Variants in SHC2 observed in about 807,000 individuals in gnomAD.
SHC2 encodes the protein SHC adaptor protein 2, also known as SHC-transforming protein 2.
SHC2 carries 62 observed loss-of-function variants against 60.6 expected under a neutral mutation model. That is an observed-to-expected ratio of 1.02 (90% CI 0.83 to 1.26). The LOEUF is 1.26. Among genes scored for constraint, SHC2 ranks in the 50% most tolerant of loss-of-function variants. The pLI, the probability that SHC2 is intolerant of heterozygous loss-of-function variation, is 0.00. For missense variants in SHC2, 873 were observed against 822.2 expected, an observed-to-expected ratio of 1.06 and a Z score of -0.76; for synonymous variants, 375 against 372.4, an observed-to-expected ratio of 1.01 and a Z score of -0.08.
chr19:421,403 A>G (rs931261052), intron 11 of SHC2, among the ~76,000 whole-genome samples: 2 of 148,560 alleles, frequency 1.3e-5, no homozygotes, highest in Non-Finnish European at 3.0e-5. Context: ...CCATCAAAAA[A>G]AAAAAAAAAA....
chr19:442,165 ATGGG>A (rs1470267219), intron 1 of SHC2, among the ~76,000 whole-genome samples: 3 of 152,164 alleles, frequency 2.0e-5, no homozygotes, highest in Non-Finnish European at 4.4e-5. Flanking sequence ...TGGATGCATG[ATGGG>A]TGGATGGACT....
intron 8 of SHC2, 29 bp from the exon 9 acceptor site, chr19:430,776 G>A (rs117274076): frequency 0.018 from 28,680 of 1,606,846 alleles, 528 homozygotes; most frequent in East Asian, 0.093. Flanking sequence ...GAGGTTCCCC[G>A]GTGTGTGCAA....
intron 9 of SHC2, among the ~76,000 whole-genome samples, chr19:427,364 G>A (rs1398023086): frequency 6.6e-6 from 1 of 152,248 alleles, no homozygotes; most frequent in Non-Finnish European, 1.5e-5. Context: ...GCACTGGAGA[G>A]AAGGGCTCGT....
chr19:419,302 C>T (rs888229123), intron 11 of SHC2: 8 of 462,650 alleles, frequency 1.7e-5, no homozygotes, highest in African/African-American at 7.9e-5. Context: ...GAAAGGTGAC[C>T]GCGGGAAGAT....
chr19:419,426 G>A, intron 11 of SHC2: 1 of 180,242 alleles, frequency 5.5e-6, no homozygotes, highest in Non-Finnish European at 1.1e-5. Flanking sequence ...GAGCCAGGGG[G>A]GCCCTAAGTC....
rs1449588673 is a variant in SHC2, at chr19:438,028, A to T, written c.720+690T>A. 6.6e-6 allele frequency among the ~76,000 whole-genome samples: 1 copy of T among 152,196 alleles called. No homozygotes were observed. Among genetic ancestry groups the T allele is most frequent in the East Asian group, 1.9e-4 (1 of 5,196 alleles). On this transcript the variant is annotated intron_variant, in intron 4 of 12. Transcript: ENST00000264554. This position sits in a 1 kb window ranked among gnomAD's most constrained non-coding sequence, Gnocchi z 5.0. ...GAGACAGAGTCTCACTCTGTTGCCC[A>T]GGCTGGAGTGCAGTAGTGCAATCTT...
intron 1 of SHC2, among the ~76,000 whole-genome samples, chr19:454,444 G>T (rs1975282949): frequency 1.3e-5 from 2 of 152,202 alleles, no homozygotes; most frequent in South Asian, 4.1e-4. Context: ...CGGGAAGGCG[G>T]TCGGTCTCCC....
chr19:420,779 C>T (rs943353112), intron 11 of SHC2, among the ~76,000 whole-genome samples: 1 of 152,150 alleles, frequency 6.6e-6, no homozygotes, highest in African/African-American at 2.4e-5. Flanking sequence ...AGGCCGGGCG[C>T]GGTGGCTCAC....
At chr19:435,525 A>ATGCACC (rs1004613507) in intron 7 of SHC2, among the ~76,000 whole-genome samples, 1 of 152,234 alleles carries the variant, frequency 6.6e-6, no homozygotes, top group Non-Finnish European at 1.5e-5. Flanking sequence ...CTGGGAGCTC[A>ATGCACC]TGCACCTGCA....
chr19:427,222 G>C (rs1269443790), intron 9 of SHC2, among the ~76,000 whole-genome samples: 1 of 152,156 alleles, frequency 6.6e-6, no homozygotes, highest in South Asian at 2.1e-4. Context: ...TAGCAAGGCT[G>C]TTAGGAAACA....
Position 439,870 on chromosome 19 carries a change from A to G in SHC2, c.540-840T>C, listed in dbSNP as rs149547197. On this transcript the variant is annotated intron_variant, in intron 2 of 12. Transcript: ENST00000264554. ...GAGAAACCCCGTCTCTACTAAAAACATAAAAACTAGCTGGGTGTGGTGGTG... is the reference window on the plus strand; with the variant it reads ...GAGAAACCCCGTCTCTACTAAAAACGTAAAAACTAGCTGGGTGTGGTGGTG... Among the ~76,000 whole-genome samples the G allele has an allele frequency of 2.2e-3, 337 of 152,040 alleles. 4 individuals carry two copies. The highest frequency in any genetic ancestry group is 7.9e-3 in the African/African-American group (327 of 41,458).
At chr19:460,433 G>GA in intron 1 of SHC2, 96 bp downstream of exon 1, 1 of 469,590 alleles carries the variant, frequency 2.1e-6, no homozygotes, top group Non-Finnish European at 3.1e-6. Context: ...ATGGGGAGGG[G>GA]ACACCTGGCT....
chr19:442,600 C>A (rs185578423), intron 1 of SHC2, among the ~76,000 whole-genome samples: 1 of 1,636 alleles, frequency 6.1e-4, no homozygotes, highest in Admixed American at 6.2e-3. Context: ...GGTGGATGGA[C>A]GGGTGGGTGG....
intron 7 of SHC2, chr19:435,931 G>A (rs1018761355): frequency 2.4e-5 from 12 of 506,530 alleles, no homozygotes; most frequent in East Asian, 6.5e-5. Context: ...CAGGCACACC[G>A]GGGAGTCAGC....
rs760379322 is a variant in SHC2 at position 435,997 on chromosome 19, T to C, written c.953+168A>G. The C allele has an allele frequency of 9.8e-6, 7 of 716,616 alleles. 1 individual carries two copies. In the South Asian group the frequency reaches 1.4e-4, roughly 14 times the overall value. 44.4% of individuals were successfully genotyped at this position (716,616 alleles called of 1,614,324 possible). Reference sequence around the variant, plus strand: ...GGCGGGGATGCGTTTACTCGGGTGTTAACAGCCGAGGAAACAGGATCCTCT... The same window carrying C: ...GGCGGGGATGCGTTTACTCGGGTGTCAACAGCCGAGGAAACAGGATCCTCT... On this transcript the variant is annotated intron_variant, in intron 7 of 12. Coordinates refer to ENST00000264554, the MANE Select transcript of SHC2 (RefSeq NM_012435.3).
intron 1 of SHC2, among the ~76,000 whole-genome samples, chr19:460,133 C>T (rs2145768442): frequency 6.6e-6 from 1 of 152,362 alleles, no homozygotes; most frequent in South Asian, 2.1e-4. Context: ...AACACCCCTT[C>T]CCGCACCCCC....
At position 446,666 on chromosome 19, in the gene SHC2, C is replaced by T. The variant is rs1295433131; in HGVS notation, c.469-5734G>A. ...TTGTGGTGGCAGCCCCGGGACCCTC[C>T]CACAGAAGATGGGGAGGAGCCCTGG... On this transcript the variant is annotated intron_variant, in intron 1 of 12. Transcript: ENST00000264554. The surrounding 1 kb of genome is among the most constrained non-coding windows in gnomAD (Gnocchi z 5.4). Among the ~76,000 whole-genome samples the T allele has an allele frequency of 6.6e-6, 1 of 152,164 alleles. No homozygotes were observed. Among genetic ancestry groups the T allele is most frequent in the African/African-American group, 2.4e-5 (1 of 41,434 alleles).
At position 460,953 on chromosome 19, in the gene SHC2, G is replaced by A; in HGVS notation, c.44C>T (p.Ala15Val). The change falls in exon 1 of 13, where the codon GCG becomes GTG. Residue 15 changes from alanine (A) to valine (V), a missense_variant. Physicochemically the swap from Ala to Val is moderately conservative, Grantham distance 64 (BLOSUM62 0). Transcript: ENST00000264554. ...GGTGGGCGCCTCGGGCTCGGGGGGC[G>A]CGGGGGGCGCCGGGGGCGCGCGCCC... ...PGGRAPPAPP[A>V]PPEPEAPTTF... is the part of the protein sequence containing the mutation. The A allele has an allele frequency of 4.1e-6, 4 of 984,906 alleles. No homozygotes were observed. Among genetic ancestry groups the A allele is most frequent in the African/African-American group, 1.8e-5 (1 of 56,290 alleles). The allele number at this position is 984,906 out of a possible 1,614,324, so 61.0% of individuals were successfully genotyped here.
intron 1 of SHC2, among the ~76,000 whole-genome samples, chr19:455,590 C>A (rs1387283108): frequency 6.6e-6 from 1 of 152,254 alleles, no homozygotes; most frequent in African/African-American, 2.4e-5. Flanking sequence ...GCGATGCCGG[C>A]TGAGTCGCCC....
Sources: gnomAD v4.1 joint callset for allele counts (sites outside exome capture counted in the v4.1 genomes callset) on GRCh38, gnomAD v4.1.1 for gene constraint, Gnocchi (gnomAD v3.1) non-coding constraint, MANE v1.5 for transcripts, NCBI Gene and HGNC (gene_info 2026-07-23, HGNC 2026-07-21) for gene names.